Variants in CMAS observed in about 807,000 individuals in gnomAD.
CMAS encodes the protein N-acylneuraminate cytidylyltransferase.
In CMAS, 21 loss-of-function variants were observed where a neutral mutation model predicts 53.4. The ratio of observed to expected loss-of-function variants is 0.39; its 90% confidence interval spans 0.28 to 0.57. CMAS has a LOEUF of 0.57. Among genes scored for constraint, CMAS ranks in the 20% least tolerant of loss-of-function variants. The pLI is 0.56. For missense variants in CMAS, 384 were observed against 534.9 expected (o/e 0.72, Z 2.78); for synonymous variants, 189 against 195.2 (o/e 0.97, Z 0.27).
rs771685299 is a variant in CMAS, at chr12:22,055,614, A to C, written c.559+4A>C. 3.1e-6 allele frequency: 5 copies of C among 1,606,044 alleles called. No individual in the cohort carries two copies. In the South Asian group the frequency reaches 4.5e-5, roughly 14 times the overall value. On this transcript the variant is annotated splice_donor_region_variant and intron_variant, in intron 3 of 7. Transcript: ENST00000229329. ...TGGAGTGAAATTCAGAAAGGAGGTA[A>C]TCTCTTTTCAGTCTTTATTTTAGCT...
Position 22,065,382 on chromosome 12 carries a change from T to A in CMAS, c.*71T>A. ...CAGTTTGCTTTTATTTTTGATTAAG[T>A]AAATTCCATGTTGTAATGTTACAGA... On this transcript the variant is annotated 3_prime_UTR_variant, in exon 8 of 8. Coordinates refer to ENST00000229329, the MANE Select transcript of CMAS (RefSeq NM_018686.6). 1 of 1,189,456 alleles carries A rather than the reference T, an allele frequency of 8.4e-7. No individual in the cohort carries two copies. Among genetic ancestry groups the A allele is most frequent in the Non-Finnish European group, 1.2e-6 (1 of 822,382 alleles). The allele number at this position is 1,189,456 out of a possible 1,614,324, so 73.7% of individuals were successfully genotyped here.
At chr12:22,064,267 G>T (rs1184438706) in intron 7 of CMAS, among the ~76,000 whole-genome samples, 1 of 152,006 alleles carries the variant, frequency 6.6e-6, no homozygotes, top group African/African-American at 2.4e-5. Flanking sequence ...CTTCTGAAAT[G>T]CATCCTATTC....
intron 3 of CMAS, 36 bp downstream of exon 3, chr12:22,055,646 A>T (rs1282243098): frequency 6.4e-7 from 1 of 1,573,888 alleles, no homozygotes; most frequent in South Asian, 1.2e-5. Flanking sequence ...AGCTGATTTT[A>T]TTGAGAATCA....
At chr12:22,064,942 T>C (rs1178123155) in intron 7 of CMAS, among the ~76,000 whole-genome samples, 179 bp from the exon 8 acceptor site, 1 of 152,232 alleles carries the variant, frequency 6.6e-6, no homozygotes, top group Admixed American at 6.5e-5. Context: ...GGGAAAACCC[T>C]GGACCTCAAT....
intron 1 of CMAS, among the ~76,000 whole-genome samples, chr12:22,054,755 G>T (rs1249251546): frequency 6.6e-6 from 1 of 151,882 alleles, no homozygotes; most frequent in Non-Finnish European, 1.5e-5. Context: ...TAGGTTCAGG[G>T]GTACATCAGG....
intron 1 of CMAS, among the ~76,000 whole-genome samples, chr12:22,048,326 A>G (rs181388236): frequency 1.3e-5 from 2 of 152,306 alleles, no homozygotes; most frequent in Admixed American, 6.5e-5. Flanking sequence ...AGAATCCTCA[A>G]TTTCTTAGCT....
At chr12:22,064,999 A>C in intron 7 of CMAS, 122 bp from the exon 8 acceptor site, 1 of 649,560 alleles carries the variant, frequency 1.5e-6, no homozygotes, top group Non-Finnish European at 2.7e-6. Context: ...GTATTCTTAT[A>C]TGCAGTGCCC....
chr12:22,065,215 C>T lies in CMAS; in HGVS notation c.1209C>T (p.Tyr403=), dbSNP rs146887115. 5,922 of 1,614,060 alleles carry T rather than the reference C, an allele frequency of 3.7e-3. 19 individuals carry two copies. Among genetic ancestry groups the T allele is most frequent in the Non-Finnish European group, 4.2e-3 (4,956 of 1,179,962 alleles). ...ACSTAQKAVG[Y]ICKCNGGRGA... ...CTACTGCCCAGAAGGCTGTTGGATA[C>T]ATTTGCAAATGTAATGGTGGCCGTG... Residue 403 remains tyrosine, a synonymous_variant, in exon 8 of 8, where the codon TAC becomes TAT. Transcript: ENST00000229329.
At chr12:22,057,840 T>C (rs1404719809) in intron 3 of CMAS, among the ~76,000 whole-genome samples, 2 of 151,722 alleles carry the variant, frequency 1.3e-5, no homozygotes, top group Admixed American at 1.3e-4. Flanking sequence ...TTTTTTTTTT[T>C]TGAGACAGAG....
At chr12:22,053,472 A>G (rs893554933) in intron 1 of CMAS, among the ~76,000 whole-genome samples, 3 of 149,860 alleles carry the variant, frequency 2.0e-5, no homozygotes, top group African/African-American at 7.3e-5. Flanking sequence ...AATAATGTGT[A>G]TATATGTTTG....
intron 4 of CMAS, 153 bp from the exon 5 acceptor site, chr12:22,060,679 T>C (rs1265068660): frequency 1.9e-6 from 1 of 532,986 alleles, no homozygotes; most frequent in Non-Finnish European, 3.3e-6. Flanking sequence ...TAAAAATAAA[T>C]TTAAAAATCA....
rs368892363 is a variant in CMAS, at chr12:22,046,570, A to C, written c.260+7A>C. 1.5e-5 allele frequency: 24 copies of C among 1,550,172 alleles called. No homozygotes were observed. Among genetic ancestry groups the C allele is most frequent in the Non-Finnish European group, 2.0e-5 (23 of 1,148,496 alleles). ...ATTCAGGGGCCTTCCAGAGGTGCGCATGTGCGAGAGTGGGCGGCGCGGCCT... is the reference window on the plus strand; with the variant it reads ...ATTCAGGGGCCTTCCAGAGGTGCGCCTGTGCGAGAGTGGGCGGCGCGGCCT... On this transcript the variant is annotated splice_region_variant and intron_variant, in intron 1 of 7. Coordinates refer to ENST00000229329, the MANE Select transcript of CMAS (RefSeq NM_018686.6).
Position 22,065,208 on chromosome 12 carries a change from T to C in CMAS, c.1202T>C (p.Val401Ala), listed in dbSNP as rs1288918921. ...ADACSTAQKA[V>A]GYICKCNGGR... ...GCCTGTTCTACTGCCCAGAAGGCTGTTGGATACATTTGCAAATGTAATGGT... is the reference window on the plus strand; with the variant it reads ...GCCTGTTCTACTGCCCAGAAGGCTGCTGGATACATTTGCAAATGTAATGGT... The change falls in exon 8 of 8, where the codon GTT (valine) becomes GCT (alanine). Residue 401 changes from valine (V) to alanine (A), a missense_variant. Coordinates refer to ENST00000229329, the MANE Select transcript of CMAS (RefSeq NM_018686.6). 1.2e-6 allele frequency: 2 copies of C among 1,614,140 alleles called. No individual in the cohort carries two copies. The highest frequency in any genetic ancestry group is 2.7e-5 in the African/African-American group (2 of 75,060).
chr12:22,053,796 A>G (rs971924222), intron 1 of CMAS, among the ~76,000 whole-genome samples: 10 of 149,136 alleles, frequency 6.7e-5, no homozygotes, highest in East Asian at 4.1e-4. Flanking sequence ...GGAGAATGGC[A>G]TGAACCTGGG....
In CMAS at chr12:22,046,250, G is replaced by A. The variant is rs1391826546; in HGVS notation, c.-54G>A. 7.2e-6 allele frequency: 10 copies of A among 1,395,616 alleles called. No individual in the cohort carries two copies. Among genetic ancestry groups the A allele is most frequent in the Admixed American group, 3.5e-5 (1 of 28,266 alleles). 86.5% of individuals were successfully genotyped at this position (1,395,616 alleles called of 1,614,324 possible). ...GATCGGGCGGCGCCGAGCTGAGGTG[G>A]TGAGGGACTAGCTCCCGGATGTGGA... is the stretch of plus-strand genomic sequence containing the variant. On this transcript the variant is annotated 5_prime_UTR_variant, in exon 1 of 8. It adds an upstream start codon to the 5' untranslated region. Transcript: ENST00000229329.
chr12:22,065,028 G>A (rs932167166), intron 7 of CMAS, 93 bp from the exon 8 acceptor site: 6 of 979,836 alleles, frequency 6.1e-6, no homozygotes, highest in Non-Finnish European at 9.2e-6. Context: ...TACTGAAGTT[G>A]CCAGAGTTAC....
chr12:22,064,260 C>T (rs935200349), intron 7 of CMAS, among the ~76,000 whole-genome samples: 7 of 152,002 alleles, frequency 4.6e-5, no homozygotes, highest in Non-Finnish European at 1.0e-4. Context: ...CTGGGAGCTT[C>T]TGAAATGCAT....
At chr12:22,064,930 T>C (rs7954234) in intron 7 of CMAS, among the ~76,000 whole-genome samples, 191 bp from the exon 8 acceptor site, 39,491 of 152,092 alleles carry the variant, frequency 0.26, 5,625 homozygotes, top group African/African-American at 0.37. Context: ...TTTGATTGCT[T>C]AGGGAAAACC....
At chr12:22,053,501 T>TAC (rs1950248719) in intron 1 of CMAS, among the ~76,000 whole-genome samples, 1 of 144,004 alleles carries the variant, frequency 6.9e-6, no homozygotes, top group Non-Finnish European at 1.5e-5. Context: ...TATATATATA[T>TAC]ACACACCAAA....
Sources: gnomAD v4.1 joint callset for allele counts (sites outside exome capture counted in the v4.1 genomes callset) on GRCh38, gnomAD v4.1.1 for gene constraint, MANE v1.5 for transcripts, NCBI Gene and HGNC (gene_info 2026-07-23, HGNC 2026-07-21) for gene names.